Variants in CAMTA1 observed in about 807,000 individuals in gnomAD.
CAMTA1 encodes the protein calmodulin binding transcription activator 1, also known as calmodulin-binding transcription activator 1.
CAMTA1 carries 27 observed loss-of-function variants against 170.9 expected under a neutral mutation model. The ratio of observed to expected loss-of-function variants is 0.16; its 90% CI spans 0.12 to 0.22. The LOEUF is 0.22. CAMTA1 is among the 10% of genes least tolerant of loss of function. CAMTA1 has a pLI of 1.00. For synonymous variants in CAMTA1, 833 were observed against 891.5 expected (o/e 0.93, Z 1.17); for missense variants, 1,619 against 2,217.2 (o/e 0.73, Z 5.42).
At chr1:7,006,315 T>G (rs994639246) in intron 3 of CAMTA1, among the ~76,000 whole-genome samples, 1 of 152,144 alleles carries the variant, frequency 6.6e-6, no homozygotes, top group Non-Finnish European at 1.5e-5. Flanking sequence ...TAATATATGC[T>G]TATTACGGAA....
At chr1:7,429,341 T>C (rs561596023) in intron 5 of CAMTA1, among the ~76,000 whole-genome samples, 2 of 152,202 alleles carry the variant, frequency 1.3e-5, no homozygotes, top group Non-Finnish European at 2.9e-5. Flanking sequence ...ATGGTGATGA[T>C]GGTGATGAGG....
At chr1:6,947,864 T>C (rs1396572785) in intron 3 of CAMTA1, among the ~76,000 whole-genome samples, 1 of 152,258 alleles carries the variant, frequency 6.6e-6, no homozygotes, top group Non-Finnish European at 1.5e-5. Flanking sequence ...TTTTTGTTTG[T>C]TGATCTTGTA....
chr1:6,867,261 A>G (rs78898097), intron 3 of CAMTA1, among the ~76,000 whole-genome samples: 2,308 of 151,030 alleles, frequency 0.015, 62 homozygotes, highest in African/African-American at 0.053. Context: ...GTTTTTAGGG[A>G]AAAAAAAAGT....
At chr1:6,985,957 C>T (rs923088260) in intron 3 of CAMTA1, among the ~76,000 whole-genome samples, 20 of 152,194 alleles carry the variant, frequency 1.3e-4, no homozygotes, top group African/African-American at 4.3e-4. Context: ...CTCTGACTAC[C>T]GGCGATTAAC....
At chr1:7,760,276 C>G (rs2096964773) in intron 22 of CAMTA1, among the ~76,000 whole-genome samples, 1 of 152,234 alleles carries the variant, frequency 6.6e-6, no homozygotes, top group Admixed American at 6.5e-5. Flanking sequence ...CAGAGCAGCT[C>G]TGCTGTGTGC....
chr1:7,715,714 T>C (rs2096604501), intron 11 of CAMTA1, among the ~76,000 whole-genome samples: 1 of 152,180 alleles, frequency 6.6e-6, no homozygotes, highest in Non-Finnish European at 1.5e-5. Flanking sequence ...GATTTGAAAT[T>C]TGCAAAAATC....
intron 4 of CAMTA1, among the ~76,000 whole-genome samples, chr1:7,152,496 G>A (rs1357176015): frequency 6.6e-6 from 1 of 152,146 alleles, no homozygotes; most frequent in Non-Finnish European, 1.5e-5. Context: ...GGATTTTGGG[G>A]GCCATTCTGT....
chr1:7,389,139 C>A (rs990995260), intron 5 of CAMTA1, among the ~76,000 whole-genome samples: 1 of 152,212 alleles, frequency 6.6e-6, no homozygotes, highest in African/African-American at 2.4e-5. Flanking sequence ...CAGAGCGAGT[C>A]CGCTGGGTGC....
chr1:7,034,839 C>A (rs1234041949), intron 3 of CAMTA1, among the ~76,000 whole-genome samples: 1 of 152,102 alleles, frequency 6.6e-6, no homozygotes, highest in East Asian at 1.9e-4. Context: ...GACCTCTAGT[C>A]CTTCTTACTC....
intron 4 of CAMTA1, among the ~76,000 whole-genome samples, chr1:7,095,991 T>A (rs1395234898): frequency 1.3e-5 from 2 of 152,246 alleles, no homozygotes; most frequent in African/African-American, 4.8e-5. Context: ...CCAGGAATCC[T>A]GTTTATACCC....
At chr1:6,797,960 A>G (rs898923251) in intron 1 of CAMTA1, among the ~76,000 whole-genome samples, 2 of 151,572 alleles carry the variant, frequency 1.3e-5, no homozygotes, top group Non-Finnish European at 2.9e-5. Context: ...TAATTTCTAT[A>G]AAAGAATCTA....
At chr1:7,277,301 A>C (rs1454038845) in intron 5 of CAMTA1, among the ~76,000 whole-genome samples, 1 of 152,218 alleles carries the variant, frequency 6.6e-6, no homozygotes, top group Non-Finnish European at 1.5e-5. Flanking sequence ...GAATTGCCCT[A>C]CTTAATTTCA....
At chr1:7,305,420 T>C (rs1029481282) in intron 5 of CAMTA1, among the ~76,000 whole-genome samples, 8 of 151,928 alleles carry the variant, frequency 5.3e-5, no homozygotes, top group Non-Finnish European at 1.2e-4. Context: ...CAGCTGGTAT[T>C]TTTACTGGAG....
At chr1:7,527,026 G>A (rs1372381494) in intron 6 of CAMTA1, among the ~76,000 whole-genome samples, 1 of 152,146 alleles carries the variant, frequency 6.6e-6, no homozygotes, top group African/African-American at 2.4e-5. Context: ...TATCACCGGG[G>A]CATGCAGACC....
intron 5 of CAMTA1, among the ~76,000 whole-genome samples, chr1:7,276,303 A>ATATATATATATATATATTTTTTTTTT: frequency 8.3e-5 from 2 of 24,228 alleles, no homozygotes; most frequent in African/African-American, 3.0e-4. Context: ...ATATATATAT[A>ATATATATATATATATATTTTTTTTTT]TTTTTTTTTT....
At chr1:7,762,025 G>T (rs2096980281) in intron 22 of CAMTA1, among the ~76,000 whole-genome samples, 1 of 152,080 alleles carries the variant, frequency 6.6e-6, no homozygotes, top group Non-Finnish European at 1.5e-5. Context: ...ATGGTGATGT[G>T]TACCTGTAGT....
chr1:6,870,514 A>G (rs1323591841), intron 3 of CAMTA1, among the ~76,000 whole-genome samples: 2 of 152,206 alleles, frequency 1.3e-5, no homozygotes, highest in African/African-American at 4.8e-5. Context: ...TCTAGAAAGA[A>G]TATTCTGTTT....
intron 6 of CAMTA1, among the ~76,000 whole-genome samples, chr1:7,595,147 C>G (rs574543692): frequency 6.6e-6 from 1 of 152,100 alleles, no homozygotes; most frequent in Admixed American, 6.5e-5. Context: ...GGGTGGATCT[C>G]TAAACAAAGG....
intron 6 of CAMTA1, among the ~76,000 whole-genome samples, chr1:7,595,174 C>T (rs1022753384): frequency 3.3e-5 from 5 of 152,098 alleles, no homozygotes; most frequent in East Asian, 1.9e-4. Context: ...GTGCGCACTT[C>T]GAGGCAGCCC....
Sources: allele counts gnomAD v4.1 joint callset (sites outside exome capture counted in the v4.1 genomes callset), GRCh38; gene constraint gnomAD v4.1.1; transcripts MANE v1.5; gene names NCBI Gene and HGNC (gene_info 2026-07-23, HGNC 2026-07-21).